Variants in EPHA4 observed in about 807,000 individuals in gnomAD.
EPHA4 encodes ephrin type-A receptor 4.
Under a neutral mutation model 108.3 loss-of-function variants are expected in EPHA4, and 19 were observed. The ratio of observed to expected loss-of-function variants is 0.18; its 90% CI spans 0.12 to 0.26. The LOEUF (loss-of-function observed/expected upper bound fraction) is 0.26. Among genes scored for constraint, EPHA4 ranks in the 10% least tolerant of loss-of-function variants. The pLI is 1.00. For missense variants in EPHA4, 917 were observed against 1,254.0 expected, an observed-to-expected ratio of 0.73 and a Z score of 4.06; for synonymous variants, 449 against 455.5, an observed-to-expected ratio of 0.99 and a Z score of 0.18.
chr2:221,429,921 T>G (rs770611286), intron 15 of EPHA4, 37 bp downstream of exon 15: 1 of 1,608,868 alleles, frequency 6.2e-7, no homozygotes, highest in Non-Finnish European at 8.5e-7. Flanking sequence ...CTCTAATGTG[T>G]TCTTTCATAC....
intron 8 of EPHA4, among the ~76,000 whole-genome samples, chr2:221,452,262 G>T (rs573654777): frequency 5.3e-5 from 8 of 152,364 alleles, no homozygotes; most frequent in African/African-American, 1.9e-4. Flanking sequence ...GCACAAAGCA[G>T]CCCCATCGTC....
In EPHA4 at chr2:221,563,856, C is replaced by A. The variant is rs1264539873; in HGVS notation, c.698G>T (p.Cys233Phe). Reference sequence around the variant, plus strand: ...ATCTTTCTCTTCTGAGTTGTTGACACAGGAGCCTCGAACTTCCACCAGGGA... The same window carrying A: ...ATCTTTCTCTTCTGAGTTGTTGACAAAGGAGCCTCGAACTTCCACCAGGGA... ...TSSLVEVRGS[C>F]VNNSEEKDVP... is the part of the protein sequence containing the mutation. Residue 233 changes from cysteine (C) to phenylalanine (F), a missense_variant, in exon 3 of 18, where the codon TGT becomes TTT. Around this residue, in one of 3 missense-constraint regions of EPHA4, gnomAD observed 758 missense variants for 1,076.7 expected, o/e 0.70. Transcript: ENST00000281821. The A allele has an allele frequency of 1.2e-6, 2 of 1,614,204 alleles. No homozygotes were observed. The highest frequency in any genetic ancestry group is 1.7e-6 in the Non-Finnish European group (2 of 1,180,038).
At chr2:221,529,246 C>A (rs1010217263) in intron 3 of EPHA4, among the ~76,000 whole-genome samples, 6 of 152,082 alleles carry the variant, frequency 3.9e-5, no homozygotes, top group African/African-American at 1.4e-4. Context: ...CAGGTCTCCA[C>A]AGGAAGGAAG....
Position 221,443,477 on chromosome 2 carries a change from A to C in EPHA4, c.1888+16T>G, listed in dbSNP as rs181206080. 1.1e-5 allele frequency: 18 copies of C among 1,574,226 alleles called. No individual in the cohort carries two copies. In the East Asian group the frequency reaches 3.8e-4, roughly 33 times the overall value. On this transcript the variant is annotated intron_variant, in intron 10 of 17. Coordinates refer to ENST00000281821, the MANE Select transcript of EPHA4 (RefSeq NM_004438.5). ...AGAAAACAGACTCATTAGCAGACGG[A>C]CACTCAGACACTTACCAACTCCTAT...
chr2:221,444,788 G>T (rs1690542943), intron 9 of EPHA4, among the ~76,000 whole-genome samples: 1 of 115,062 alleles, frequency 8.7e-6, no homozygotes, highest in African/African-American at 3.3e-5. Flanking sequence ...GACAGAGTCT[G>T]GCTGTGTCGC....
intron 5 of EPHA4, among the ~76,000 whole-genome samples, chr2:221,472,300 CAAAAAAAA>C (rs11397333): frequency 8.6e-6 from 1 of 115,806 alleles, no homozygotes; most frequent in South Asian, 2.8e-4. Flanking sequence ...ACTTATTTTA[CAAAAAAAA>C]AAAAAAAAAA....
At chr2:221,448,053 G>A (rs1263594473) in intron 8 of EPHA4, among the ~76,000 whole-genome samples, 1 of 152,064 alleles carries the variant, frequency 6.6e-6, no homozygotes, top group African/African-American at 2.4e-5. Flanking sequence ...TGTTGGCCAA[G>A]CTGGTCTCAA....
At chr2:221,555,876 T>C (rs1574656942) in intron 3 of EPHA4, among the ~76,000 whole-genome samples, 1 of 152,190 alleles carries the variant, frequency 6.6e-6, no homozygotes, top group Admixed American at 6.5e-5. Context: ...GTTGAGTAAA[T>C]AAAATGTCAT....
intron 8 of EPHA4, among the ~76,000 whole-genome samples, chr2:221,449,649 C>A (rs1254236822): frequency 6.6e-6 from 1 of 152,172 alleles, no homozygotes; most frequent in Non-Finnish European, 1.5e-5. Context: ...ACAGCGTGAG[C>A]CCTCTCAACC....
chr2:221,516,337 C>G (rs1692987681), intron 3 of EPHA4, among the ~76,000 whole-genome samples: 1 of 150,332 alleles, frequency 6.7e-6, no homozygotes, highest in Non-Finnish European at 1.5e-5. Flanking sequence ...TTCCCATGAT[C>G]TGATAGATTC....
At chr2:221,528,239 G>A (rs1473964739) in intron 3 of EPHA4, among the ~76,000 whole-genome samples, 1 of 152,150 alleles carries the variant, frequency 6.6e-6, no homozygotes, top group Non-Finnish European at 1.5e-5. Context: ...TACTCATTGA[G>A]TAAAAAATAC....
At chr2:221,535,574 C>T (rs1475094216) in intron 3 of EPHA4, among the ~76,000 whole-genome samples, 1 of 151,850 alleles carries the variant, frequency 6.6e-6, no homozygotes, top group African/African-American at 2.4e-5. Context: ...ATCAAAGGCA[C>T]TTCTTTTTTT....
rs150501302 is a variant in EPHA4, at chr2:221,438,478, A to T, written c.2075-1356T>A. Among the ~76,000 whole-genome samples the T allele has an allele frequency of 5.8e-3, 881 of 152,238 alleles. 9 individuals carry two copies. Among genetic ancestry groups the T allele is most frequent in the African/African-American group, 0.02 (834 of 41,548 alleles). On this transcript the variant is annotated intron_variant, in intron 11 of 17. Coordinates refer to ENST00000281821, the MANE Select transcript of EPHA4 (RefSeq NM_004438.5). ...TTCCTTTGGAAGAAAATAAAATGTC[A>T]GTTTGATATACCAAAAATATTCACA...
At chr2:221,496,680 G>T (rs1692304969) in intron 4 of EPHA4, among the ~76,000 whole-genome samples, 1 of 152,104 alleles carries the variant, frequency 6.6e-6, no homozygotes, top group Admixed American at 6.5e-5. Context: ...GGCCGAGGTG[G>T]GTGGATCACC....
chr2:221,421,304 A>G (rs1689755558), intron 17 of EPHA4, among the ~76,000 whole-genome samples: 1 of 152,188 alleles, frequency 6.6e-6, no homozygotes, highest in South Asian at 2.1e-4. Context: ...TGTCTCAAAA[A>G]AAAAAGAAAA....
chr2:221,439,330 CAA>C (rs56154778), intron 11 of EPHA4, among the ~76,000 whole-genome samples: 60 of 129,384 alleles, frequency 4.6e-4, no homozygotes, highest in African/African-American at 1.3e-3. Context: ...GTTTTCTACT[CAA>C]AAAAAAAAAA....
rs1337047094 is a variant in EPHA4, at chr2:221,501,129, G to T, written c.867C>A (p.Thr289=). ...GYYKALSTDA[T]CAKCPPHSYS... ...AGCTGTGGGGTGGGCACTTGGCACAGGTGGCATCCGTGGAGAGAGCCTTGT... is the reference window on the plus strand; with the variant it reads ...AGCTGTGGGGTGGGCACTTGGCACATGTGGCATCCGTGGAGAGAGCCTTGT... The change falls in exon 4 of 18, where the codon ACC becomes ACA. Residue 289 remains threonine (T), a synonymous_variant. Coordinates refer to ENST00000281821, the MANE Select transcript of EPHA4 (RefSeq NM_004438.5). 1 of 1,613,002 alleles carries T rather than the reference G, an allele frequency of 6.2e-7. No homozygotes were observed. Among genetic ancestry groups the T allele is most frequent in the South Asian group, 1.1e-5 (1 of 90,862 alleles).
intron 9 of EPHA4, among the ~76,000 whole-genome samples, chr2:221,444,967 A>C (rs1361067053): frequency 2.0e-5 from 3 of 151,930 alleles, no homozygotes; most frequent in Non-Finnish European, 4.4e-5. Context: ...CATGTTGGCT[A>C]GGCTGGTCTC....
intron 3 of EPHA4, among the ~76,000 whole-genome samples, chr2:221,523,891 T>A (rs11896107): frequency 3.3e-5 from 5 of 152,164 alleles, no homozygotes; most frequent in African/African-American, 1.2e-4. Flanking sequence ...CGGCCCTCAG[T>A]AGAATATTTT....
Sources: gnomAD v4.1 joint callset for allele counts (sites outside exome capture counted in the v4.1 genomes callset) on GRCh38, gnomAD v4.1.1 for gene constraint, gnomAD v4.1.1 regional missense constraint, MANE v1.5 for transcripts, NCBI Gene and HGNC (gene_info 2026-07-23, HGNC 2026-07-21) for gene names.